CSMD3: variants seen among roughly 807,000 people sequenced by gnomAD.
CSMD3 encodes CUB and sushi domain-containing protein 3.
CSMD3 carries 177 observed loss-of-function variants against 435.2 expected under a neutral mutation model. That is an observed-to-expected ratio of 0.41 (90% CI 0.36 to 0.46). The LOEUF is 0.46. Among genes scored for constraint, CSMD3 ranks in the 20% least tolerant of loss-of-function variants. The pLI is 0.34. For synonymous variants in CSMD3, 1,656 were observed against 1,520.5 expected (o/e 1.09, Z -2.07); for missense variants, 4,265 against 4,504.6 (o/e 0.95, Z 1.52).
chr8:112,358,010 T>G (rs1457662956), intron 38 of CSMD3, among the ~76,000 whole-genome samples: 1 of 151,884 alleles, frequency 6.6e-6, no homozygotes, highest in East Asian at 1.9e-4. Flanking sequence ...CACTCAATGT[T>G]AGCAGACAGG....
At position 113,284,365 on chromosome 8, in the gene CSMD3, TAAC is replaced by T. The variant is rs201818194; in HGVS notation, c.402-5664_402-5662del. Among the ~76,000 whole-genome samples the T allele has an allele frequency of 1.7e-4, 26 of 152,332 alleles. No individual in the cohort carries two copies. The East Asian group carries it at 4.4e-3, about 26-fold the overall frequency. On this transcript the variant is annotated intron_variant, in intron 2 of 70. Transcript: ENST00000297405. ...TGGTAGGAGAATATCGATGCCATCT[TAAC>T]AATTTCTTATTCACACTAAGAATTG... is the stretch of plus-strand genomic sequence containing the variant.
chr8:112,866,136 A>G (rs766340983), intron 10 of CSMD3, among the ~76,000 whole-genome samples: 2 of 152,158 alleles, frequency 1.3e-5, no homozygotes, highest in African/African-American at 2.4e-5. Flanking sequence ...GTATGATAGC[A>G]TATGTCATTA....
At chr8:112,956,314 C>CCA (rs1195221941) in intron 7 of CSMD3, among the ~76,000 whole-genome samples, 1 of 151,990 alleles carries the variant, frequency 6.6e-6, no homozygotes, top group Non-Finnish European at 1.5e-5. Context: ...ACCCTCATCC[C>CCA]CACCCCGATG....
intron 1 of CSMD3, among the ~76,000 whole-genome samples, chr8:113,373,523 A>C (rs1332847024): frequency 6.6e-6 from 1 of 151,944 alleles, no homozygotes; most frequent in Non-Finnish European, 1.5e-5. Context: ...TTCAGCTTAC[A>C]TTATATGTGT....
chr8:113,329,664 T>C (rs983536535), intron 1 of CSMD3, among the ~76,000 whole-genome samples: 1 of 151,004 alleles, frequency 6.6e-6, no homozygotes, highest in East Asian at 2.0e-4. Context: ...CATATAGAGA[T>C]CCACACCCAG....
intron 10 of CSMD3, among the ~76,000 whole-genome samples, chr8:112,891,471 T>G (rs1321573005): frequency 6.7e-6 from 1 of 149,226 alleles, no homozygotes. Flanking sequence ...GGGCAGATGT[T>G]TTTTGGAGAC....
At chr8:112,799,460 T>TA (rs1452995331) in intron 13 of CSMD3, among the ~76,000 whole-genome samples, 1 of 151,964 alleles carries the variant, frequency 6.6e-6, no homozygotes, top group Non-Finnish European at 1.5e-5. Flanking sequence ...TTTTTGTTTT[T>TA]AAAAAATAGA....
chr8:112,732,152 A>C (rs1009649154), intron 13 of CSMD3, among the ~76,000 whole-genome samples: 1 of 152,048 alleles, frequency 6.6e-6, no homozygotes, highest in African/African-American at 2.4e-5. Flanking sequence ...GGTTGCATTG[A>C]TACTCAGCTA....
chr8:113,253,931 T>A (rs1041065208), intron 3 of CSMD3, among the ~76,000 whole-genome samples: 4 of 152,206 alleles, frequency 2.6e-5, no homozygotes, highest in African/African-American at 9.6e-5. Flanking sequence ...AACATGTAGT[T>A]ACAAGATTTT....
intron 40 of CSMD3, among the ~76,000 whole-genome samples, chr8:112,350,512 G>T (rs1207256845): frequency 6.6e-6 from 1 of 151,464 alleles, no homozygotes; most frequent in Middle Eastern, 3.2e-3. Flanking sequence ...TTTATTTCTA[G>T]TACTCCAAAT....
chr8:112,799,134 C>G (rs1437556922), intron 13 of CSMD3, among the ~76,000 whole-genome samples: 2 of 151,790 alleles, frequency 1.3e-5, no homozygotes, highest in Non-Finnish European at 1.5e-5. Flanking sequence ...TATAATCAAG[C>G]TAACCTTTTT....
chr8:112,534,813 A>G (rs1341846859), intron 27 of CSMD3, among the ~76,000 whole-genome samples: 1 of 152,166 alleles, frequency 6.6e-6, no homozygotes, highest in Non-Finnish European at 1.5e-5. Context: ...CCAGCAGCAC[A>G]TCAAAAAGTT....
In CSMD3 at chr8:112,645,016, C is replaced by T. The variant is rs2074940030; in HGVS notation, c.3310+93G>A. The T allele has an allele frequency of 8.9e-6, 7 of 790,240 alleles. No individual in the cohort carries two copies. In the Admixed American group the frequency reaches 1.0e-4, roughly 12 times the overall value. The allele number at this position is 790,240 out of a possible 1,614,324, so 49.0% of individuals were successfully genotyped here. On this transcript the variant is annotated intron_variant, in intron 20 of 70. Coordinates refer to ENST00000297405, the MANE Select transcript of CSMD3 (RefSeq NM_198123.2). ...ATTGTAGTACTGATCTGTTTTTGCT[C>T]ATGCAAAATAACATGTAAAGGAAAG...
intron 23 of CSMD3, among the ~76,000 whole-genome samples, chr8:112,579,024 G>A (rs973188924): frequency 2.0e-5 from 3 of 151,886 alleles, no homozygotes; most frequent in African/African-American, 4.8e-5. Context: ...AGACTTTTGT[G>A]TATGCAATTT....
intron 1 of CSMD3, among the ~76,000 whole-genome samples, chr8:113,390,340 G>A (rs2133149262): frequency 6.6e-6 from 1 of 151,840 alleles, no homozygotes. Flanking sequence ...TGACCCAGGA[G>A]ATTTCCTTTC....
chr8:112,913,106 G>T (rs1475700873), intron 10 of CSMD3, among the ~76,000 whole-genome samples: 1 of 151,892 alleles, frequency 6.6e-6, no homozygotes, highest in Non-Finnish European at 1.5e-5. Flanking sequence ...GTTCAACTCA[G>T]GTACTTTTTT....
intron 10 of CSMD3, among the ~76,000 whole-genome samples, chr8:112,873,988 TA>T (rs2081207925): frequency 6.6e-6 from 1 of 152,136 alleles, no homozygotes; most frequent in African/African-American, 2.4e-5. Context: ...CTAGTTCTTT[TA>T]ATTGTGATGT....
At chr8:112,592,443 A>G (rs1831273257) in intron 22 of CSMD3, among the ~76,000 whole-genome samples, 1 of 152,082 alleles carries the variant, frequency 6.6e-6, no homozygotes, top group South Asian at 2.1e-4. Flanking sequence ...TTTTAAAAAA[A>G]GAGTTTAAAC....
intron 5 of CSMD3, among the ~76,000 whole-genome samples, chr8:113,062,247 A>G (rs1310083582): frequency 2.0e-5 from 3 of 152,036 alleles, no homozygotes; most frequent in East Asian, 3.9e-4. Context: ...TTACATATAT[A>G]CACACTAAAA....
Sources: allele counts gnomAD v4.1 joint callset (sites outside exome capture counted in the v4.1 genomes callset), GRCh38; gene constraint gnomAD v4.1.1; transcripts MANE v1.5; gene names NCBI Gene and HGNC (gene_info 2026-07-23, HGNC 2026-07-21).